FAM13A: variants seen among roughly 807,000 people sequenced by gnomAD.
The protein encoded by FAM13A is protein FAM13A.
FAM13A carries 76 observed loss-of-function variants against 129.6 expected under a neutral mutation model. That is an observed-to-expected ratio of 0.59 (90% CI 0.49 to 0.71). The LOEUF (loss-of-function observed/expected upper bound fraction) is 0.71, where lower values mean the gene tolerates loss of function less well. FAM13A is among the 30% of genes least tolerant of loss of function. The pLI is 0.00. For synonymous variants in FAM13A, 443 were observed against 449.9 expected (o/e 0.98, Z 0.20); for missense variants, 1,108 against 1,249.3 (o/e 0.89, Z 1.70).
At chr4:88,751,873 T>C (rs978649316) in intron 14 of FAM13A, among the ~76,000 whole-genome samples, 2 of 152,246 alleles carry the variant, frequency 1.3e-5, no homozygotes, top group Non-Finnish European at 2.9e-5. Flanking sequence ...AATTTGGCTA[T>C]GATCTTAAAC....
At chr4:88,804,229 G>A (rs1472780037) in intron 8 of FAM13A, among the ~76,000 whole-genome samples, 1 of 151,574 alleles carries the variant, frequency 6.6e-6, no homozygotes, top group African/African-American at 2.4e-5. Flanking sequence ...ATCCAGCCTG[G>A]GCAACAGAGT....
At chr4:88,988,948 C>G (rs1762595485) in intron 4 of FAM13A, among the ~76,000 whole-genome samples, 3 of 152,144 alleles carry the variant, frequency 2.0e-5, no homozygotes, top group African/African-American at 7.2e-5. Flanking sequence ...AGGGTCGGGC[C>G]TGTAATCCCA....
chr4:89,015,678 A>G (rs978682744), intron 3 of FAM13A, among the ~76,000 whole-genome samples: 1 of 152,190 alleles, frequency 6.6e-6, no homozygotes, highest in African/African-American at 2.4e-5. Context: ...TATACATTTT[A>G]TTATTTTAGA....
At chr4:88,834,536 C>T (rs1365258365) in intron 7 of FAM13A, among the ~76,000 whole-genome samples, 2 of 152,050 alleles carry the variant, frequency 1.3e-5, no homozygotes. Flanking sequence ...CATATCAAAA[C>T]ATCATATTTT....
intron 5 of FAM13A, 33 bp from the exon 6 acceptor site, chr4:88,906,495 T>C (rs1372536844): frequency 6.9e-7 from 1 of 1,458,080 alleles, no homozygotes; most frequent in South Asian, 1.2e-5. Flanking sequence ...ACATTAGAGA[T>C]TAAAGAACAC....
chr4:89,039,780 C>T (rs1486177886), intron 1 of FAM13A, among the ~76,000 whole-genome samples: 2 of 151,928 alleles, frequency 1.3e-5, no homozygotes, highest in Non-Finnish European at 2.9e-5. Flanking sequence ...GAGATCCCAT[C>T]TCTACCAAAA....
chr4:88,871,409 A>G (rs899691346), intron 6 of FAM13A, among the ~76,000 whole-genome samples: 2 of 152,222 alleles, frequency 1.3e-5, no homozygotes, highest in Admixed American at 1.3e-4. Flanking sequence ...TACAGATGAG[A>G]TGAATGGCTA....
Position 88,745,167 on chromosome 4 carries a change from C to CTG in FAM13A, c.2466+1763_2466+1764dup, listed in dbSNP as rs34167827. 3.3e-3 allele frequency among the ~76,000 whole-genome samples: 493 copies of CTG among 151,112 alleles called. 2 individuals are homozygous for CTG. The highest frequency in any genetic ancestry group is 8.7e-3 in the African/African-American group (361 of 41,262). ...CAGGTAAGTATATACAGATAAACGT[C>CTG]TGTGTGTGTGTGTGTGTCTGTAACA... On this transcript the variant is annotated intron_variant, in intron 19 of 23. Transcript: ENST00000264344.
At chr4:88,875,108 A>T (rs1296600557) in intron 6 of FAM13A, among the ~76,000 whole-genome samples, 1 of 152,234 alleles carries the variant, frequency 6.6e-6, no homozygotes, top group African/African-American at 2.4e-5. Flanking sequence ...CTGAAACTGG[A>T]TCCCTTCCTT....
At chr4:88,775,178 G>T (rs890693352) in intron 11 of FAM13A, among the ~76,000 whole-genome samples, 1 of 152,092 alleles carries the variant, frequency 6.6e-6, no homozygotes, top group South Asian at 2.1e-4. Context: ...GACAAGGAGA[G>T]GTCAACATCA....
chr4:88,883,595 C>T (rs1015189274), intron 6 of FAM13A, among the ~76,000 whole-genome samples: 3 of 151,852 alleles, frequency 2.0e-5, no homozygotes, highest in African/African-American at 7.3e-5. Context: ...AAGGTCACAC[C>T]TCAAGGAACT....
intron 4 of FAM13A, among the ~76,000 whole-genome samples, chr4:88,972,433 C>T (rs1221405642): frequency 1.3e-5 from 2 of 151,882 alleles, no homozygotes; most frequent in Non-Finnish European, 2.9e-5. Flanking sequence ...TCCTGAGTAG[C>T]TGGGACTACA....
chr4:89,052,082 C>T (rs771006751), intron 1 of FAM13A, among the ~76,000 whole-genome samples: 1 of 152,018 alleles, frequency 6.6e-6, no homozygotes. Flanking sequence ...GCACTCTGGG[C>T]ACCGGCAGAG....
chr4:88,881,282 A>G (rs560776911), intron 6 of FAM13A, among the ~76,000 whole-genome samples: 79 of 152,362 alleles, frequency 5.2e-4, no homozygotes, highest in Admixed American at 1.8e-3. Flanking sequence ...GAGAGACCTA[A>G]AAACAGTTCA....
intron 3 of FAM13A, among the ~76,000 whole-genome samples, chr4:89,002,845 T>C (rs1445010445): frequency 1.3e-5 from 2 of 151,472 alleles, no homozygotes; most frequent in African/African-American, 4.9e-5. Context: ...TCTAAAAGAG[T>C]ATGGTGTTTT....
At chr4:88,992,922 T>G (rs1379076035) in intron 3 of FAM13A, among the ~76,000 whole-genome samples, 1 of 76,408 alleles carries the variant, frequency 1.3e-5, no homozygotes, top group Non-Finnish European at 2.7e-5. Flanking sequence ...GCCAGTTAAG[T>G]GAAGAACAGA....
intron 20 of FAM13A, 102 bp downstream of exon 20, chr4:88,738,928 C>T: frequency 1.3e-6 from 1 of 760,530 alleles, no homozygotes; most frequent in East Asian, 2.5e-5. Context: ...GCAATTAAAG[C>T]CTATTCTTTA....
intron 2 of FAM13A, among the ~76,000 whole-genome samples, chr4:89,028,620 G>A (rs77259611): frequency 0.048 from 7,368 of 152,166 alleles, 282 homozygotes; most frequent in South Asian, 0.22. Context: ...GAGCCCTGAA[G>A]TATGAGATTA....
At chr4:89,054,826 T>C (rs1772021597) in intron 1 of FAM13A, among the ~76,000 whole-genome samples, 1 of 152,090 alleles carries the variant, frequency 6.6e-6, no homozygotes, top group Non-Finnish European at 1.5e-5. Context: ...CAACCTTCAT[T>C]CCACCCCTCA....
Sources: allele counts gnomAD v4.1 joint callset (sites outside exome capture counted in the v4.1 genomes callset), GRCh38; gene constraint gnomAD v4.1.1; transcripts MANE v1.5; gene names NCBI Gene and HGNC (gene_info 2026-07-23, HGNC 2026-07-21).